Variants in TSHZ2 observed in about 807,000 individuals in gnomAD.
TSHZ2 encodes teashirt homolog 2.
Under a neutral mutation model 74.4 loss-of-function variants are expected in TSHZ2, and 21 were observed. That is an observed-to-expected ratio of 0.28 (90% CI 0.20 to 0.41). The LOEUF (loss-of-function observed/expected upper bound fraction) is 0.41. Among genes scored for constraint, TSHZ2 ranks in the 10% least tolerant of loss-of-function variants. The pLI is 1.00. For missense variants in TSHZ2, 1,244 were observed against 1,293.5 expected (o/e 0.96, Z 0.59); for synonymous variants, 540 against 515.3 (o/e 1.05, Z -0.65).
intron 1 of TSHZ2, among the ~76,000 whole-genome samples, chr20:53,160,745 C>CAAAAAAAAAAAAAAAAAAA (rs10653039): frequency 1.7e-4 from 16 of 95,822 alleles, no homozygotes; most frequent in African/African-American, 6.3e-4. Flanking sequence ...ACTCTGTCTC[C>CAAAAAAAAAAAAAAAAAAA]AAAAAAAAAA....
At chr20:53,194,328 C>A (rs1988807838) in intron 1 of TSHZ2, among the ~76,000 whole-genome samples, 1 of 152,222 alleles carries the variant, frequency 6.6e-6, no homozygotes, top group East Asian at 1.9e-4. Context: ...TAGGATCTCC[C>A]AGCTGAGGTG....
chr20:53,122,099 C>A (rs1370954013), intron 1 of TSHZ2, among the ~76,000 whole-genome samples: 1 of 151,842 alleles, frequency 6.6e-6, no homozygotes, highest in Non-Finnish European at 1.5e-5. Flanking sequence ...CCAGGCTGGG[C>A]AACATGGAGA....
chr20:53,409,252 C>G (rs1055241425), intron 2 of TSHZ2, among the ~76,000 whole-genome samples: 25 of 151,512 alleles, frequency 1.7e-4, no homozygotes, highest in Non-Finnish European at 2.7e-4. Context: ...TTTTTTAATT[C>G]TAATCTTTCT....
chr20:53,110,305 A>C (rs1214513214), intron 1 of TSHZ2, among the ~76,000 whole-genome samples: 2 of 151,908 alleles, frequency 1.3e-5, no homozygotes, highest in African/African-American at 2.4e-5. Flanking sequence ...GCCCACCGTG[A>C]CCCTCATGCC....
At chr20:53,406,976 C>T (rs779747189) in intron 2 of TSHZ2, among the ~76,000 whole-genome samples, 1 of 152,194 alleles carries the variant, frequency 6.6e-6, no homozygotes, top group Non-Finnish European at 1.5e-5. Flanking sequence ...CAACCCCAAA[C>T]TCAGCCCCAC....
chr20:53,260,003 C>A (rs192247905), intron 2 of TSHZ2, among the ~76,000 whole-genome samples: 1 of 152,192 alleles, frequency 6.6e-6, no homozygotes, highest in Admixed American at 6.5e-5. Flanking sequence ...TCCTTTCATC[C>A]TCTTTTCCCT....
chr20:53,199,474 A>G (rs1050155083), intron 1 of TSHZ2, among the ~76,000 whole-genome samples: 5 of 152,180 alleles, frequency 3.3e-5, no homozygotes, highest in African/African-American at 1.2e-4. Context: ...ACCCCATCTC[A>G]AAAAAAGTAA....
intron 1 of TSHZ2, among the ~76,000 whole-genome samples, chr20:53,060,958 T>C (rs1321431668): frequency 4.6e-5 from 7 of 152,298 alleles, no homozygotes; most frequent in African/African-American, 1.7e-4. Flanking sequence ...TCTATATTCC[T>C]ATCCATTATC....
intron 1 of TSHZ2, among the ~76,000 whole-genome samples, chr20:53,035,259 CTT>C (rs1983777441): frequency 6.6e-6 from 1 of 152,216 alleles, no homozygotes; most frequent in African/African-American, 2.4e-5. Flanking sequence ...AATGAGTCCT[CTT>C]TTCTCCTGTG....
intron 2 of TSHZ2, among the ~76,000 whole-genome samples, chr20:53,467,671 A>G (rs1254993699): frequency 2.0e-5 from 3 of 152,214 alleles, no homozygotes; most frequent in Non-Finnish European, 4.4e-5. Context: ...ATTAACACAT[A>G]TACCAAAGGA....
chr20:52,984,627 G>T (rs2046842958), intron 1 of TSHZ2, among the ~76,000 whole-genome samples: 1 of 152,160 alleles, frequency 6.6e-6, no homozygotes, highest in Non-Finnish European at 1.5e-5. Flanking sequence ...CTGTCACCGA[G>T]GTGGGGTGCC....
intron 1 of TSHZ2, among the ~76,000 whole-genome samples, chr20:53,037,819 A>G (rs1033107742): frequency 6.6e-6 from 1 of 152,180 alleles, no homozygotes; most frequent in African/African-American, 2.4e-5. Context: ...CGCTACCAAC[A>G]GGACTTGCCT....
At chr20:52,989,515 A>G (rs1169675960) in intron 1 of TSHZ2, among the ~76,000 whole-genome samples, 7 of 152,240 alleles carry the variant, frequency 4.6e-5, no homozygotes, top group Non-Finnish European at 7.3e-5. Flanking sequence ...CAAATAGTTA[A>G]GGACTCTTTG....
rs73268581 is a variant in TSHZ2, at chr20:53,122,865, C to T, written c.41-130634C>T. Among the ~76,000 whole-genome samples the T allele has an allele frequency of 4.2e-3, 644 of 152,326 alleles. 6 individuals are homozygous for T. The highest frequency in any genetic ancestry group is 0.015 in the African/African-American group (616 of 41,568). On this transcript the variant is annotated intron_variant, in intron 1 of 2. Coordinates refer to ENST00000371497, the MANE Select transcript of TSHZ2 (RefSeq NM_173485.6). ...GGACAGGGCATGAGGAAGGCCCACT[C>T]TCAACCCCCACTTCTGATTAAATAC...
At chr20:53,361,977 T>C (rs1981074319) in intron 2 of TSHZ2, among the ~76,000 whole-genome samples, 1 of 151,704 alleles carries the variant, frequency 6.6e-6, no homozygotes, top group Non-Finnish European at 1.5e-5. Context: ...TGTCGTGCGA[T>C]GGCGCCATCT....
intron 2 of TSHZ2, among the ~76,000 whole-genome samples, chr20:53,420,446 T>C (rs1983427369): frequency 6.6e-6 from 1 of 152,002 alleles, no homozygotes; most frequent in African/African-American, 2.4e-5. Context: ...TGAAAAAAAG[T>C]GGGCCAGGCG....
At chr20:53,317,258 C>T (rs1172670886) in intron 2 of TSHZ2, among the ~76,000 whole-genome samples, 1 of 152,192 alleles carries the variant, frequency 6.6e-6, no homozygotes, top group Non-Finnish European at 1.5e-5. Context: ...TGGGGACTTA[C>T]TTATCCTATT....
At chr20:53,223,877 GA>G (rs968791679) in intron 1 of TSHZ2, among the ~76,000 whole-genome samples, 2 of 147,124 alleles carry the variant, frequency 1.4e-5, no homozygotes, top group African/African-American at 5.1e-5. Flanking sequence ...CTACACATGT[GA>G]AAAAAATGTT....
chr20:52,994,994 A>C (rs187581894), intron 1 of TSHZ2, among the ~76,000 whole-genome samples: 2 of 152,318 alleles, frequency 1.3e-5, no homozygotes, highest in Admixed American at 1.3e-4. Flanking sequence ...AGAGCTGTGA[A>C]GTAATTAGTT....
Sources: allele counts gnomAD v4.1 joint callset (sites outside exome capture counted in the v4.1 genomes callset), GRCh38; gene constraint gnomAD v4.1.1; transcripts MANE v1.5; gene names NCBI Gene and HGNC (gene_info 2026-07-23, HGNC 2026-07-21).